RC3H2: variants seen among roughly 807,000 people sequenced by gnomAD.
The protein encoded by RC3H2 is roquin-2.
In RC3H2, 31 loss-of-function variants were observed where a neutral mutation model predicts 133.3. The ratio of observed to expected loss-of-function variants is 0.23; its 90% CI spans 0.17 to 0.31. The LOEUF (loss-of-function observed/expected upper bound fraction) is 0.31. Ranked by LOEUF, RC3H2 falls within the 10% of genes least tolerant of loss-of-function variation. The probability of loss-of-function intolerance (pLI) is 1.00; values close to 1 mark genes in which losing one functional copy is unlikely to be tolerated. For synonymous variants in RC3H2, 517 were observed against 502.2 expected (o/e 1.03, Z -0.40); for missense variants, 1,175 against 1,437.2 (o/e 0.82, Z 2.95).
At chr9:122,899,093 T>G (rs952244398) in intron 1 of RC3H2, among the ~76,000 whole-genome samples, 67,572 of 88,530 alleles carry the variant, frequency 0.76, 26,524 homozygotes, top group Middle Eastern at 0.84. Flanking sequence ...TTATTGTGTT[T>G]TTTTTTTTTT....
chr9:122,875,527 G>A (rs1831297821), intron 9 of RC3H2, among the ~76,000 whole-genome samples: 1 of 152,116 alleles, frequency 6.6e-6, no homozygotes, highest in Admixed American at 6.5e-5. Context: ...CAGATTCTGT[G>A]GCCCACAAAG....
At position 122,897,272 on chromosome 9, in the gene RC3H2, T is replaced by G. The variant is rs1306305890; in HGVS notation, c.231+7A>C. On this transcript the variant is annotated splice_region_variant and intron_variant, in intron 2 of 20. Coordinates refer to ENST00000357244, the MANE Select transcript of RC3H2 (RefSeq NM_001100588.3). ...CACCAACCTATAGTAAAATCTTGAA[T>G]GCTTACCTGGGCTCCAACTAACTGG... The G allele has an allele frequency of 6.2e-7, 1 of 1,613,646 alleles. No individual in the cohort carries two copies. The highest frequency in any genetic ancestry group is 1.7e-5 in the Admixed American group (1 of 59,994).
chr9:122,854,338 G>A (rs1443664776), intron 16 of RC3H2, 72 bp from the exon 17 acceptor site: 12 of 1,352,436 alleles, frequency 8.9e-6, no homozygotes, highest in East Asian at 2.3e-5. Context: ...ATAACCATAT[G>A]TTTTATGTGA....
chr9:122,878,210 G>C (rs1421653059), intron 8 of RC3H2, among the ~76,000 whole-genome samples: 2 of 152,178 alleles, frequency 1.3e-5, no homozygotes, highest in African/African-American at 4.8e-5. Flanking sequence ...AATAAGGAGA[G>C]AAGAGTACAA....
rs759490374 is a variant in RC3H2 at position 122,859,933 on chromosome 9, T to C, written c.1833A>G (p.Pro611=). The C allele has an allele frequency of 1.9e-6, 3 of 1,612,994 alleles. No homozygotes were observed. The highest frequency in any genetic ancestry group is 2.2e-5 in the South Asian group (2 of 91,052). ...DPRTQIPFEV[P]QYPQTGYYPP... is the part of the protein sequence containing the mutation. ...ATTACTCACCTGTCTGTGGGTACTG[T>C]GGGACTTCAAAGGGTATCTGAGTCC... Residue 611 remains proline, a synonymous_variant, in exon 11 of 21, where the codon CCA becomes CCG. Coordinates refer to ENST00000357244, the MANE Select transcript of RC3H2 (RefSeq NM_001100588.3).
intron 18 of RC3H2, among the ~76,000 whole-genome samples, chr9:122,851,803 A>G (rs1003285730): frequency 8.5e-5 from 13 of 152,278 alleles, no homozygotes; most frequent in Admixed American, 3.3e-4. Context: ...TCAGTGCTCA[A>G]TGGCGCCCAG....
chr9:122,873,978 C>T (rs2131440597), intron 9 of RC3H2: 2 of 152,178 alleles, frequency 1.3e-5, no homozygotes, highest in South Asian at 4.1e-4. Flanking sequence ...CCACCACACC[C>T]AGCTAACTAT....
chr9:122,896,545 A>T (rs1386227680), intron 2 of RC3H2, among the ~76,000 whole-genome samples: 1 of 152,240 alleles, frequency 6.6e-6, no homozygotes, highest in African/African-American at 2.4e-5. Flanking sequence ...TAAGGATATG[A>T]CATTATCTAA....
intron 6 of RC3H2, 85 bp downstream of exon 6, chr9:122,880,509 G>A (rs1403383851): frequency 9.6e-6 from 10 of 1,044,764 alleles, no homozygotes; most frequent in Admixed American, 2.0e-5. Context: ...ATCTCCAACT[G>A]TTTGTGTATA....
intron 9 of RC3H2, chr9:122,875,237 C>T: frequency 3.9e-6 from 6 of 1,551,174 alleles, no homozygotes; most frequent in South Asian, 1.2e-5. Flanking sequence ...TGTTTCTGCT[C>T]TTTTCACTGC....
intron 9 of RC3H2, among the ~76,000 whole-genome samples, chr9:122,876,847 A>C (rs562920175): frequency 5.9e-5 from 9 of 152,290 alleles, no homozygotes; most frequent in African/African-American, 1.7e-4. Flanking sequence ...CACAGGGAAA[A>C]AGAATGTTAA....
At chr9:122,871,523 T>A (rs975143089) in intron 9 of RC3H2, among the ~76,000 whole-genome samples, 1 of 149,192 alleles carries the variant, frequency 6.7e-6, no homozygotes, top group African/African-American at 2.5e-5. Flanking sequence ...GGGGGTTTCA[T>A]CGTGTTAGCC....
At position 122,849,769 on chromosome 9, in the gene RC3H2, G is replaced by T. The variant is rs549337128; in HGVS notation, c.3434C>A (p.Pro1145Gln). The T allele has an allele frequency of 1.1e-5, 17 of 1,595,420 alleles. No individual in the cohort carries two copies. Among genetic ancestry groups the T allele is most frequent in the Non-Finnish European group, 1.4e-5 (16 of 1,171,620 alleles). ...PVTSCFSQPL[P>Q]VSISNASCLP... ...GCAACTTGCATTGCTAATAGACACT[G>T]GGAGTGGCTGGCTAAAGCAAGAAGT... is the stretch of plus-strand genomic sequence containing the variant. Residue 1145 changes from proline (P) to glutamine (Q), a missense_variant, in exon 21 of 21, where the codon CCA becomes CAA. Around this residue, in one of 8 missense-constraint regions of RC3H2, gnomAD observed 220 missense variants for 201.1 expected, o/e 1.09. Coordinates refer to ENST00000357244, the MANE Select transcript of RC3H2 (RefSeq NM_001100588.3).
intron 1 of RC3H2, among the ~76,000 whole-genome samples, chr9:122,903,512 C>T (rs1286765417): frequency 6.6e-6 from 1 of 152,080 alleles, no homozygotes; most frequent in Non-Finnish European, 1.5e-5. Flanking sequence ...TATGATTTAA[C>T]AAAAATATAT....
At chr9:122,850,458 A>AGATAGATAGATAGAT (rs1564279690) in intron 20 of RC3H2, among the ~76,000 whole-genome samples, 3 of 151,642 alleles carry the variant, frequency 2.0e-5, no homozygotes, top group East Asian at 2.0e-4. Context: ...ATAGATAGAT[A>AGATAGATAGATAGAT]ATTTTGAGAT....
intron 18 of RC3H2, 35 bp downstream of exon 18, chr9:122,853,917 A>G: frequency 1.2e-6 from 2 of 1,614,258 alleles, no homozygotes; most frequent in South Asian, 1.1e-5. Flanking sequence ...AAACAAATAC[A>G]TTAAGCATGA....
intron 13 of RC3H2, 30 bp from the exon 14 acceptor site, chr9:122,855,908 TAGTA>T: frequency 6.4e-7 from 1 of 1,573,384 alleles, no homozygotes; most frequent in Middle Eastern, 1.7e-4. Flanking sequence ...TAAAGCCAAT[TAGTA>T]AGAAGCTTAA....
chr9:122,898,010 T>G (rs1832492399), intron 1 of RC3H2: 2 of 153,736 alleles, frequency 1.3e-5, no homozygotes. Flanking sequence ...CAGGAGTTAA[T>G]GAACTTTGGA....
At chr9:122,857,522 T>A (rs1184891859) in intron 13 of RC3H2, among the ~76,000 whole-genome samples, 1 of 152,238 alleles carries the variant, frequency 6.6e-6, no homozygotes, top group Admixed American at 6.5e-5. Flanking sequence ...ACTTAACTTC[T>A]GTAAGATTCC....
Sources: allele counts gnomAD v4.1 joint callset (sites outside exome capture counted in the v4.1 genomes callset), GRCh38; gene constraint gnomAD v4.1.1; regional missense constraint gnomAD v4.1.1; transcripts MANE v1.5; gene names NCBI Gene and HGNC (gene_info 2026-07-23, HGNC 2026-07-21).